The following TRAF1 variants were observed in gnomAD, a reference collection of about 807,000 sequenced individuals.
The protein encoded by TRAF1 is TNF receptor-associated factor 1.
A neutral mutation model predicts 40.9 loss-of-function variants in TRAF1; 23 were observed. The observed-to-expected ratio is 0.56, with a 90% CI of 0.40 to 0.80. The LOEUF is 0.80. TRAF1 is among the 30% of genes least tolerant of loss of function. TRAF1 has a pLI of 0.00. For missense variants in TRAF1, 477 were observed against 528.7 expected (o/e 0.90, Z 0.96); for synonymous variants, 206 against 218.8 (o/e 0.94, Z 0.52).
intron 3 of TRAF1, among the ~76,000 whole-genome samples, chr9:120,916,291 G>A (rs934819248): frequency 6.6e-6 from 1 of 152,204 alleles, no homozygotes; most frequent in Non-Finnish European, 1.5e-5. Flanking sequence ...TCCTGGAGCT[G>A]TGGGTGGGGA....
Position 120,913,253 on chromosome 9 carries a change from G to A in TRAF1, c.705+75C>T, listed in dbSNP as rs17848043. The A allele has an allele frequency of 1.7e-4, 256 of 1,491,696 alleles. 1 individual carries two copies. In the East Asian group the frequency reaches 5.8e-3, roughly 34 times the overall value. 92.4% of individuals were successfully genotyped at this position (1,491,696 alleles called of 1,614,324 possible). On this transcript the variant is annotated intron_variant, in intron 5 of 7. Coordinates refer to ENST00000373887, the MANE Select transcript of TRAF1 (RefSeq NM_005658.5). ...CTGTAAGCAGGATGAATGATTAGGA[G>A]GAAGCCTGTCTGCCGCTCTGGAGAC...
intron 3 of TRAF1, among the ~76,000 whole-genome samples, chr9:120,921,670 T>A (rs1056329410): frequency 1.3e-5 from 2 of 152,056 alleles, no homozygotes; most frequent in African/African-American, 4.8e-5. Context: ...TCTTACCACG[T>A]TGCAGAGTGT....
chr9:120,913,113 G>T (rs1295625339), intron 5 of TRAF1, among the ~76,000 whole-genome samples: 1 of 152,148 alleles, frequency 6.6e-6, no homozygotes, highest in Non-Finnish European at 1.5e-5. Context: ...AAAAGTTCAA[G>T]CAAAGGAACC....
chr9:120,924,630 G>T (rs1009389480), intron 2 of TRAF1, among the ~76,000 whole-genome samples: 1 of 152,176 alleles, frequency 6.6e-6, no homozygotes, highest in African/African-American at 2.4e-5. Flanking sequence ...GGCCAGGCTG[G>T]TCTCAAACTC....
At chr9:120,925,694 G>C (rs1465163088) in intron 2 of TRAF1, among the ~76,000 whole-genome samples, 2 of 152,226 alleles carry the variant, frequency 1.3e-5, no homozygotes, top group Non-Finnish European at 2.9e-5. Context: ...TCACAGCCTC[G>C]AGGCTCTCCT....
At position 120,903,401 on chromosome 9, in the gene TRAF1, G is replaced by T. The variant is rs1289372790; in HGVS notation, c.*1619C>A. The T allele has an allele frequency of 6.6e-6, 1 of 152,300 alleles. No homozygotes were observed. The highest frequency in any genetic ancestry group is 1.5e-5 in the Non-Finnish European group (1 of 68,146). 9.4% of individuals were successfully genotyped at this position (152,300 alleles called of 1,614,324 possible). A position where few individuals can be genotyped will look rare whatever the true frequency, so the allele number is the denominator to read the frequency against. Reference sequence around the variant, plus strand: ...AGGATGCCAGGCTTAGAGCCCAGCTGGCCTGGGTTTCTGACCCATTGAGAC... The same window carrying T: ...AGGATGCCAGGCTTAGAGCCCAGCTTGCCTGGGTTTCTGACCCATTGAGAC... On this transcript the variant is annotated 3_prime_UTR_variant, in exon 8 of 8. Transcript: ENST00000373887.
Position 120,908,063 on chromosome 9 carries a change from T to C in TRAF1, c.1032+1167A>G, listed in dbSNP as rs970097391. ...ATGTGCCACCACGCCCAGCTGATGG[T>C]TTTTATTATTATTATTATTTTATTA... On this transcript the variant is annotated intron_variant, in intron 7 of 7. Transcript: ENST00000373887. Among the ~76,000 whole-genome samples, 20 of 151,624 alleles carry C rather than the reference T, an allele frequency of 1.3e-4. 1 individual carries two copies. Among genetic ancestry groups the C allele is most frequent in the African/African-American group, 3.6e-4 (15 of 41,244 alleles).
chr9:120,911,491 A>G lies in TRAF1; in HGVS notation c.728T>C (p.Leu243Pro). ...EQRVVELQQT[L>P]AQKDQALGKL... The stretch of plus-strand genomic sequence containing the variant: ...GCCCAGGGCCTGGTCTTTCTGGGCC[A>G]GGGTCTGCTGAAGCTCCACCACCTG... The change falls in exon 6 of 8, where the codon CTG becomes CCG. Residue 243 changes from leucine (L) to proline (P), a missense_variant. Physicochemically the swap from Leu to Pro is moderately conservative, Grantham distance 98 (BLOSUM62 -3). Transcript: ENST00000373887. 3 of 1,612,612 alleles carry G rather than the reference A, an allele frequency of 1.9e-6. No homozygotes were observed. Among genetic ancestry groups the G allele is most frequent in the Non-Finnish European group, 2.5e-6 (3 of 1,179,500 alleles).
rs1009067628 is a variant in TRAF1 at position 120,904,465 on chromosome 9, A to T, written c.*555T>A. 1 of 154,034 alleles carries T rather than the reference A, an allele frequency of 6.5e-6. No homozygotes were observed. The highest frequency in any genetic ancestry group is 1.4e-5 in the Non-Finnish European group (1 of 69,358). The allele number at this position is 154,034 out of a possible 1,614,324, so 9.5% of individuals were successfully genotyped here. A position where few individuals can be genotyped will look rare whatever the true frequency, so the allele number is the denominator to read the frequency against. On this transcript the variant is annotated 3_prime_UTR_variant, in exon 8 of 8. Transcript: ENST00000373887. ...CTGGAAGGAAACTTAAAAGTCTTCA[A>T]ATCCAACCCCCAATTTGAAGTCCTA...
chr9:120,911,640 C>T, intron 5 of TRAF1, 127 bp from the exon 6 acceptor site: 2 of 1,119,018 alleles, frequency 1.8e-6, no homozygotes, highest in Non-Finnish European at 1.3e-6. Context: ...AGGTGTGCGT[C>T]TGCATCTGAA....
upstream of TRAF1, chr9:120,928,224 A>G (rs956126468): frequency 6.6e-6 from 1 of 152,262 alleles, no homozygotes; most frequent in Non-Finnish European, 1.5e-5. Context: ...CCCTGAACCC[A>G]GAGCCAGTCC....
intron 3 of TRAF1, among the ~76,000 whole-genome samples, chr9:120,916,341 G>T (rs139324611): frequency 6.6e-6 from 1 of 152,152 alleles, no homozygotes; most frequent in Non-Finnish European, 1.5e-5. Context: ...GCTTTATCCC[G>T]TGCAGAAACA....
At position 120,909,080 on chromosome 9, in the gene TRAF1, C is replaced by T. The variant is rs1218035398; in HGVS notation, c.1032+150G>A. The T allele has an allele frequency of 4.1e-6, 4 of 968,874 alleles. No homozygotes were observed. In the East Asian group the frequency reaches 7.5e-5, roughly 18 times the overall value. The allele number at this position is 968,874 out of a possible 1,614,324, so 60.0% of individuals were successfully genotyped here. On this transcript the variant is annotated intron_variant, in intron 7 of 7. Transcript: ENST00000373887. The stretch of plus-strand genomic sequence containing the variant: ...ATGGAGCTGGAGGGAGCCCTAGTTA[C>T]TAGATCTGATTGTTTTATAAAAAGG...
chr9:120,923,426 G>A (rs371650711), intron 3 of TRAF1, among the ~76,000 whole-genome samples: 7 of 152,148 alleles, frequency 4.6e-5, no homozygotes, highest in Admixed American at 6.5e-5. Context: ...CTCTTAGCTC[G>A]TTGCTTAGGT....
chr9:120,925,212 C>G (rs1320056288), intron 2 of TRAF1, among the ~76,000 whole-genome samples: 1 of 152,194 alleles, frequency 6.6e-6, no homozygotes, highest in Admixed American at 6.5e-5. Flanking sequence ...GGAAACTGAC[C>G]AAAGCTGACC....
chr9:120,913,085 G>A (rs555803603), intron 5 of TRAF1, among the ~76,000 whole-genome samples: 11 of 152,212 alleles, frequency 7.2e-5, no homozygotes, highest in Non-Finnish European at 1.0e-4. Flanking sequence ...GCTGCTCAGG[G>A]AGGTGGTGTC....
At chr9:120,907,173 C>G (rs2046489789) in intron 7 of TRAF1, among the ~76,000 whole-genome samples, 1 of 152,200 alleles carries the variant, frequency 6.6e-6, no homozygotes, top group African/African-American at 2.4e-5. Flanking sequence ...ATCTTCATAG[C>G]TTTGGCTTTT....
chr9:120,905,601 C>A lies in TRAF1; in HGVS notation c.1033-363G>T, dbSNP rs2046474914. On this transcript the variant is annotated intron_variant, in intron 7 of 7. Coordinates refer to ENST00000373887, the MANE Select transcript of TRAF1 (RefSeq NM_005658.5). ...CTGACAAGGTGGGTGGAGGCAATAA[C>A]CTGTAACACCCCCTCTGGCTTGGAA... Among the ~76,000 whole-genome samples the A allele has an allele frequency of 3.9e-5, 6 of 152,252 alleles. No homozygotes were observed. The South Asian group carries it at 1.2e-3, about 32-fold the overall frequency.
intron 3 of TRAF1, among the ~76,000 whole-genome samples, chr9:120,919,854 A>G (rs1351342846): frequency 1.3e-5 from 2 of 152,122 alleles, no homozygotes; most frequent in African/African-American, 4.8e-5. Flanking sequence ...CATTTAGGGG[A>G]GGATTCCTTG....
Sources: gnomAD v4.1 joint callset for allele counts (sites outside exome capture counted in the v4.1 genomes callset) on GRCh38, gnomAD v4.1.1 for gene constraint, MANE v1.5 for transcripts, NCBI Gene and HGNC (gene_info 2026-07-23, HGNC 2026-07-21) for gene names.